The following PCDHGA5 variants were observed in gnomAD, a reference collection of about 807,000 sequenced individuals.
PCDHGA5 encodes protocadherin gamma-A5.
Under a neutral mutation model 56.7 loss-of-function variants are expected in PCDHGA5, and 36 were observed. The ratio of observed to expected loss-of-function variants is 0.64; its 90% CI spans 0.49 to 0.84. PCDHGA5 has a LOEUF of 0.84. PCDHGA5 is among the 40% of genes least tolerant of loss of function. The pLI is 0.00. For missense variants in PCDHGA5, 1,305 were observed against 1,201.5 expected (o/e 1.09, Z -1.27); for synonymous variants, 563 against 520.2 (o/e 1.08, Z -1.12).
Position 141,487,356 on chromosome 5 carries a change from C to A in PCDHGA5, c.2422-7451C>A. On this transcript the variant is annotated intron_variant, in intron 1 of 3. Coordinates refer to ENST00000518069, the MANE Select transcript of PCDHGA5 (RefSeq NM_018918.3). The surrounding 1 kb of genome is among the most constrained non-coding windows in gnomAD (Gnocchi z 5.0). ...GCCTGTGGAGTCACATGCTTTCCTG[C>A]TGGCACCTGTGCCTGTCTCACCAGA... 1 of 1,614,220 alleles carries A rather than the reference C, an allele frequency of 6.2e-7. No individual in the cohort carries two copies. The highest frequency in any genetic ancestry group is 8.5e-7 in the Non-Finnish European group (1 of 1,180,042).
At position 141,438,623 on chromosome 5, in the gene PCDHGA5, TATATATATATATAC is replaced by T. The variant is rs537048311; in HGVS notation, c.2422-56182_2422-56169del. Among the ~76,000 whole-genome samples the T allele has an allele frequency of 0.015, 646 of 42,812 alleles. 25 individuals are homozygous for T. In the East Asian group the frequency reaches 0.19, roughly 12 times the overall value. The allele number at this position is 42,812 out of a possible 152,430, so 28.1% of individuals were successfully genotyped here. A position where few individuals can be genotyped will look rare whatever the true frequency, so the allele number is the denominator to read the frequency against. On this transcript the variant is annotated intron_variant, in intron 1 of 3. Transcript: ENST00000518069. ...ATATATATATATATATATATATATA[TATATATATATATAC>T]ACACACACACACACATATATGTATA...
intron 3 of PCDHGA5, chr5:141,508,275 T>G (rs1030431371): frequency 6.6e-6 from 1 of 152,138 alleles, no homozygotes. Context: ...ATCCCGGTCC[T>G]TGACCAAGGT....
In PCDHGA5 at chr5:141,489,459, C is replaced by A; in HGVS notation, c.2422-5348C>A. ...AATTGGGCTCTGAGGAGAATGGGCG[C>A]TATTTTTCCCTGAGCTTGATGAGTG... On this transcript the variant is annotated intron_variant, in intron 1 of 3. Transcript: ENST00000518069. The surrounding 1 kb of genome is among the most constrained non-coding windows in gnomAD (Gnocchi z 4.5). 1 of 1,614,086 alleles carries A rather than the reference C, an allele frequency of 6.2e-7. No individual in the cohort carries two copies. The highest frequency in any genetic ancestry group is 8.5e-7 in the Non-Finnish European group (1 of 1,180,012).
At chr5:141,385,129 G>T in intron 1 of PCDHGA5, 1 of 1,614,200 alleles carries the variant, frequency 6.2e-7, no homozygotes, top group South Asian at 1.1e-5. Context: ...TGTGGGCATG[G>T]ACGGGGTGCA....
At chr5:141,381,826 C>CTTTTTTTTTTTTTTTTTTTTTTTTTT (rs770630741) in intron 1 of PCDHGA5, among the ~76,000 whole-genome samples, 2 of 74,292 alleles carry the variant, frequency 2.7e-5, no homozygotes, top group Non-Finnish European at 4.7e-5. Flanking sequence ...CTTTCTTCTT[C>CTTTTTTTTTTTTTTTTTTTTTTTTTT]TTTTTTTTTT....
chr5:141,409,750 G>T, intron 1 of PCDHGA5: 1 of 1,613,016 alleles, frequency 6.2e-7, no homozygotes, highest in South Asian at 1.1e-5. Context: ...TGGTGTTCGC[G>T]CAGCGCGCCT....
intron 1 of PCDHGA5, chr5:141,478,453 C>T: frequency 6.2e-7 from 1 of 1,613,594 alleles, no homozygotes; most frequent in Non-Finnish European, 8.5e-7. Context: ...CTGGTGCAGC[C>T]AGTCCACTGG....
intron 1 of PCDHGA5, chr5:141,374,142 T>C (rs1270815703): frequency 6.2e-7 from 1 of 1,610,314 alleles, no homozygotes; most frequent in South Asian, 1.1e-5. Context: ...CTCACGCTCC[T>C]GGGGACGCTG....
chr5:141,489,660 G>A lies in PCDHGA5; in HGVS notation c.2422-5147G>A, dbSNP rs763985085. 3 of 1,614,096 alleles carry A rather than the reference G, an allele frequency of 1.9e-6. No individual in the cohort carries two copies. Among genetic ancestry groups the A allele is most frequent in the Non-Finnish European group, 2.5e-6 (3 of 1,180,036 alleles). On this transcript the variant is annotated intron_variant, in intron 1 of 3. Coordinates refer to ENST00000518069, the MANE Select transcript of PCDHGA5 (RefSeq NM_018918.3). The surrounding 1 kb of genome is among the most constrained non-coding windows in gnomAD (Gnocchi z 4.5). Reference sequence around the variant, plus strand: ...GCTTTGCCACCCCTGAGCGAGAGATGCGCATCTCAGAATCAGCAGCATCTG... The same window carrying A: ...GCTTTGCCACCCCTGAGCGAGAGATACGCATCTCAGAATCAGCAGCATCTG...
chr5:141,480,240 CA>C lies in PCDHGA5; in HGVS notation c.2422-14552del, dbSNP rs11374694. 4.6e-3 allele frequency among the ~76,000 whole-genome samples: 522 copies of C among 113,846 alleles called. 1 individual carries two copies. Among genetic ancestry groups the C allele is most frequent in the Non-Finnish European group, 5.4e-3 (287 of 52,954 alleles). 74.7% of individuals were successfully genotyped at this position (113,846 alleles called of 152,430 possible). A position where few individuals can be genotyped will look rare whatever the true frequency, so the allele number is the denominator to read the frequency against. ...GCGACATAGTGAGATCCTGTCTCTACAAAAAAAAAAAAAAATGTGTTTTCAT... is the reference window on the plus strand; with the variant it reads ...GCGACATAGTGAGATCCTGTCTCTACAAAAAAAAAAAAAATGTGTTTTCAT... On this transcript the variant is annotated intron_variant, in intron 1 of 3. Coordinates refer to ENST00000518069, the MANE Select transcript of PCDHGA5 (RefSeq NM_018918.3).
intron 2 of PCDHGA5, among the ~76,000 whole-genome samples, chr5:141,499,528 G>T (rs961802549): frequency 1.3e-5 from 2 of 152,142 alleles, no homozygotes; most frequent in African/African-American, 2.4e-5. Context: ...AAAGTAGAGA[G>T]AATGGTGTCA....
chr5:141,401,353 AAGG>A (rs772220375), intron 1 of PCDHGA5, among the ~76,000 whole-genome samples: 7 of 152,166 alleles, frequency 4.6e-5, no homozygotes, highest in African/African-American at 7.2e-5. Flanking sequence ...AAAAAAAAGG[AAGG>A]AGAAGGAGAG....
At chr5:141,436,294 G>A (rs1205368824) in intron 1 of PCDHGA5, among the ~76,000 whole-genome samples, 1 of 152,142 alleles carries the variant, frequency 6.6e-6, no homozygotes, top group Non-Finnish European at 1.5e-5. Context: ...AAATCATTGA[G>A]AGTTAGAGCA....
In PCDHGA5 at chr5:141,511,308, G is replaced by A. The variant is rs76613492; in HGVS notation, c.*135G>A. ...AGGGGCCAAGGCCATGCTCCCCTTG[G>A]GAAACAGAAACAAGTGCCCAGTCAG... is the stretch of plus-strand genomic sequence containing the variant. On this transcript the variant is annotated 3_prime_UTR_variant, in exon 4 of 4. Coordinates refer to ENST00000518069, the MANE Select transcript of PCDHGA5 (RefSeq NM_018918.3). 1.1e-3 allele frequency: 1,589 copies of A among 1,487,716 alleles called. 16 individuals carry two copies. In the African/African-American group the frequency reaches 0.021, roughly 19 times the overall value. The allele number at this position is 1,487,716 out of a possible 1,614,324, so 92.2% of individuals were successfully genotyped here.
chr5:141,398,018 A>G, intron 1 of PCDHGA5: 1 of 1,425,774 alleles, frequency 7.0e-7, no homozygotes, highest in East Asian at 2.5e-5. Flanking sequence ...TCGTTTCCTA[A>G]ACTGGAACTG....
chr5:141,382,594 A>C, intron 1 of PCDHGA5: 1 of 249,844 alleles, frequency 4.0e-6, no homozygotes, highest in Non-Finnish European at 7.6e-6. Context: ...GAAAGATGAA[A>C]CAATTTTCTA....
chr5:141,373,916 A>C (rs1769959777), intron 1 of PCDHGA5: 2 of 648,756 alleles, frequency 3.1e-6, no homozygotes, highest in African/African-American at 3.7e-5. Flanking sequence ...ACAACAAAGC[A>C]AATTAGACGG....
At chr5:141,414,502 A>G in intron 1 of PCDHGA5, 1 of 1,613,944 alleles carries the variant, frequency 6.2e-7, no homozygotes, top group South Asian at 1.1e-5. Flanking sequence ...AGCTCACTTT[A>G]TGCTACAAGT....
At chr5:141,384,730 G>A (rs752038561) in intron 1 of PCDHGA5, 2 of 1,614,092 alleles carry the variant, frequency 1.2e-6, no homozygotes, top group East Asian at 2.2e-5. Context: ...CCTGCTTAAG[G>A]CCAGCGAGCC....
Sources: allele counts gnomAD v4.1 joint callset (sites outside exome capture counted in the v4.1 genomes callset), GRCh38; gene constraint gnomAD v4.1.1; non-coding constraint Gnocchi (gnomAD v3.1); transcripts MANE v1.5; gene names NCBI Gene and HGNC (gene_info 2026-07-23, HGNC 2026-07-21).